GSG1L: variants seen among roughly 807,000 people sequenced by gnomAD.
GSG1L encodes the protein germ cell-specific gene 1-like protein.
A neutral mutation model predicts 42.1 loss-of-function variants in GSG1L; 24 were observed. The observed-to-expected ratio is 0.57, with a 90% CI of 0.41 to 0.80. GSG1L has a LOEUF of 0.80. GSG1L is among the 30% of genes least tolerant of loss of function. GSG1L has a pLI of 0.00. For synonymous variants in GSG1L, 215 were observed against 203.5 expected, an observed-to-expected ratio of 1.06 and a Z score of -0.48; for missense variants, 445 against 472.2, an observed-to-expected ratio of 0.94 and a Z score of 0.53.
chr16:27,896,842 G>A (rs997860445), intron 2 of GSG1L, among the ~76,000 whole-genome samples: 5 of 152,174 alleles, frequency 3.3e-5, no homozygotes, highest in Non-Finnish European at 5.9e-5. Context: ...AACACAGTCC[G>A]GCTGACACTT....
chr16:28,033,559 A>G (rs1431328607), intron 1 of GSG1L, among the ~76,000 whole-genome samples: 1 of 152,174 alleles, frequency 6.6e-6, no homozygotes, highest in Non-Finnish European at 1.5e-5. Context: ...GAAAGGGAGA[A>G]AGAGAGAAAG....
At chr16:27,861,332 G>A (rs553715871) in intron 3 of GSG1L, among the ~76,000 whole-genome samples, 16 of 152,010 alleles carry the variant, frequency 1.1e-4, no homozygotes, top group Middle Eastern at 3.4e-3. Context: ...AGCCGAGATC[G>A]CGCCAGTGCA....
chr16:27,896,453 A>G lies in GSG1L; in HGVS notation c.398-11815T>C, dbSNP rs1288749190. Among the ~76,000 whole-genome samples the G allele has an allele frequency of 2.0e-5, 3 of 152,212 alleles. No individual in the cohort carries two copies. The East Asian group carries it at 5.8e-4, about 29-fold the overall frequency. Reference sequence around the variant, plus strand: ...ATGGAAGGATAAATAGCTAATGCACATGGGCCTTAATACCTAGGTGATGGG... The same window carrying G: ...ATGGAAGGATAAATAGCTAATGCACGTGGGCCTTAATACCTAGGTGATGGG... On this transcript the variant is annotated intron_variant, in intron 2 of 6. Coordinates refer to ENST00000447459, the MANE Select transcript of GSG1L (RefSeq NM_001109763.2).
chr16:27,820,997 C>T (rs1009451481), intron 5 of GSG1L, among the ~76,000 whole-genome samples: 1 of 152,186 alleles, frequency 6.6e-6, no homozygotes, highest in Admixed American at 6.5e-5. Flanking sequence ...GCCTTCCTCA[C>T]CCACTGCCGA....
Position 27,845,001 on chromosome 16 carries a change from AG to A in GSG1L, c.610del (p.Leu204SerfsTer63). On this transcript the variant is annotated frameshift_variant, in exon 4 of 7. Transcript: ENST00000447459. LOFTEE classifies it high-confidence loss of function. ...ATGGGGTCTCCAGTCCTCAGGACCG[AG>A]GCTCACGGTGACCTGGAACACCTGC... is the stretch of plus-strand genomic sequence containing the variant. ...YTQVFQVTVS[L>X]GPEDWRPHSW... 6.2e-7 allele frequency: 1 copy of A among 1,613,920 alleles called. No individual in the cohort carries two copies.
intron 3 of GSG1L, among the ~76,000 whole-genome samples, chr16:27,883,802 G>T (rs149744554): frequency 6.6e-6 from 1 of 152,218 alleles, no homozygotes; most frequent in East Asian, 1.9e-4. Context: ...CTGCTGCAGC[G>T]ACCCTGGGCA....
intron 1 of GSG1L, among the ~76,000 whole-genome samples, chr16:27,995,378 G>A (rs765172218): frequency 4.6e-5 from 7 of 152,126 alleles, no homozygotes; most frequent in Admixed American, 6.5e-5. Context: ...AAAACCCCAC[G>A]GTGGGTAAAG....
intron 1 of GSG1L, among the ~76,000 whole-genome samples, chr16:28,023,642 A>G (rs193013018): frequency 2.0e-5 from 3 of 152,332 alleles, no homozygotes; most frequent in Admixed American, 2.0e-4. Context: ...TTTCTTTGCC[A>G]TCTTGGGGAA....
intron 5 of GSG1L, among the ~76,000 whole-genome samples, chr16:27,818,272 C>T (rs1347747941): frequency 6.6e-6 from 1 of 152,192 alleles, no homozygotes; most frequent in African/African-American, 2.4e-5. Context: ...AGTGAACATT[C>T]CTTCCAGATT....
chr16:27,989,559 G>A (rs2085431299), intron 1 of GSG1L, among the ~76,000 whole-genome samples: 1 of 152,116 alleles, frequency 6.6e-6, no homozygotes, highest in Admixed American at 6.6e-5. Flanking sequence ...GCCCAACATG[G>A]TGAAACCCTG....
At chr16:27,999,775 T>C (rs2085561684) in intron 1 of GSG1L, among the ~76,000 whole-genome samples, 1 of 152,186 alleles carries the variant, frequency 6.6e-6, no homozygotes, top group African/African-American at 2.4e-5. Flanking sequence ...ATGACTCATA[T>C]CCATGCAGTG....
chr16:27,837,562 C>A (rs529523532), intron 4 of GSG1L, among the ~76,000 whole-genome samples: 2 of 152,232 alleles, frequency 1.3e-5, no homozygotes, highest in Non-Finnish European at 2.9e-5. Context: ...GTTCTTATTA[C>A]TACAAGGCAG....
chr16:27,950,908 T>C (rs918415899), intron 2 of GSG1L, among the ~76,000 whole-genome samples: 1 of 152,182 alleles, frequency 6.6e-6, no homozygotes, highest in Admixed American at 6.5e-5. Context: ...TCAATCTTCC[T>C]AGACTGCCAT....
intron 6 of GSG1L, among the ~76,000 whole-genome samples, chr16:27,800,038 T>C (rs75017398): frequency 2.0e-5 from 3 of 152,110 alleles, no homozygotes; most frequent in Admixed American, 6.5e-5. Context: ...GGCCCTGCAG[T>C]CCATCCTTTA....
chr16:27,980,162 C>T (rs74969649), intron 1 of GSG1L, among the ~76,000 whole-genome samples: 3,132 of 152,258 alleles, frequency 0.021, 111 homozygotes, highest in African/African-American at 0.071. Context: ...ATGCCCAATG[C>T]TGGCAGAAGG....
In GSG1L at chr16:28,030,708, T is replaced by C. The variant is rs549818817; in HGVS notation, c.349+32368A>G. ...GAATCCCAATGCCCAGACCAGGAAC[T>C]CGGGACCATAGGGATAGGATGGGAT... On this transcript the variant is annotated intron_variant, in intron 1 of 6. Transcript: ENST00000447459. Among the ~76,000 whole-genome samples the C allele has an allele frequency of 2.7e-5, 4 of 150,472 alleles. No homozygotes were observed. The Admixed American group carries it at 2.7e-4, about 10-fold the overall frequency.
intron 1 of GSG1L, among the ~76,000 whole-genome samples, chr16:27,980,042 C>T (rs1221448305): frequency 2.0e-5 from 3 of 152,198 alleles, no homozygotes; most frequent in South Asian, 4.1e-4. Flanking sequence ...AGAGCCCGGG[C>T]GTCTTCCCAA....
At chr16:27,819,919 T>C (rs746563983) in intron 5 of GSG1L, among the ~76,000 whole-genome samples, 10 of 151,908 alleles carry the variant, frequency 6.6e-5, no homozygotes, top group Non-Finnish European at 1.3e-4. Flanking sequence ...CCCAGGTAAG[T>C]CCTGTTGCAG....
intron 3 of GSG1L, among the ~76,000 whole-genome samples, chr16:27,867,641 C>A (rs1290654892): frequency 1.3e-5 from 2 of 152,224 alleles, no homozygotes; most frequent in Non-Finnish European, 2.9e-5. Context: ...GCCTCGGTTT[C>A]CCTGCTGGGT....
Sources: gnomAD v4.1 joint callset for allele counts (sites outside exome capture counted in the v4.1 genomes callset) on GRCh38, gnomAD v4.1.1 for gene constraint, MANE v1.5 for transcripts, NCBI Gene and HGNC (gene_info 2026-07-23, HGNC 2026-07-21) for gene names.